The following CABLES2 variants were observed in gnomAD, a reference collection of about 807,000 sequenced individuals.
CABLES2 encodes the protein CDK5 and ABL1 enzyme substrate 2.
CABLES2 carries 35 observed loss-of-function variants against 44.8 expected under a neutral mutation model. That is an observed-to-expected ratio of 0.78 (90% CI 0.60 to 1.04). CABLES2 has a LOEUF of 1.04. Ranked by LOEUF, CABLES2 falls within the 50% of genes least tolerant of loss-of-function variation. The pLI is 0.00. For synonymous variants in CABLES2, 282 were observed against 281.1 expected (o/e 1.00, Z -0.03); for missense variants, 566 against 615.7 (o/e 0.92, Z 0.85).
intron 1 of CABLES2, among the ~76,000 whole-genome samples, chr20:62,398,097 G>GTGGTGGTGGTGGTGGTGA (rs1988088395): frequency 7.2e-6 from 1 of 139,566 alleles, no homozygotes; most frequent in Non-Finnish European, 1.6e-5. Context: ...GACGGTGGTG[G>GTGGTGGTGGTGGTGGTGA]TGGTGGTGAT....
intron 6 of CABLES2, 115 bp from the exon 7 acceptor site, chr20:62,393,138 G>C (rs145805912): frequency 2.4e-5 from 22 of 928,378 alleles, no homozygotes; most frequent in Middle Eastern, 2.1e-4. Flanking sequence ...AGGGGCTCTA[G>C]GCCATGGTTC....
At position 62,391,595 on chromosome 20, in the gene CABLES2, C is replaced by T; in HGVS notation, c.1092-142G>A. The T allele has an allele frequency of 1.2e-6, 1 of 832,084 alleles. No homozygotes were observed. Among genetic ancestry groups the T allele is most frequent in the African/African-American group, 1.7e-5 (1 of 58,596 alleles). The allele number at this position is 832,084 out of a possible 1,614,324, so 51.5% of individuals were successfully genotyped here. A position where few individuals can be genotyped will look rare whatever the true frequency, so the allele number is the denominator to read the frequency against. On this transcript the variant is annotated intron_variant, in intron 8 of 9. Coordinates refer to ENST00000279101, the MANE Select transcript of CABLES2 (RefSeq NM_031215.3). The surrounding 1 kb of genome is among the most constrained non-coding windows in gnomAD (Gnocchi z 5.7). ...ACCGCATCCTTCAGGGGATGGTACCCTCCGCCGTACCATGTATAACGCCCA... is the reference window on the plus strand; with the variant it reads ...ACCGCATCCTTCAGGGGATGGTACCTTCCGCCGTACCATGTATAACGCCCA...
rs774287602 is a variant in CABLES2 at position 62,396,505 on chromosome 20, G to A, written c.434+16C>T. ...CGAGCGGAGTCGTAGAGCTCGGGGC[G>A]GACGGGGGCGTGTACCTCTGTGCTG... On this transcript the variant is annotated intron_variant, in intron 2 of 9. Coordinates refer to ENST00000279101, the MANE Select transcript of CABLES2 (RefSeq NM_031215.3). This position sits in a 1 kb window ranked among gnomAD's most constrained non-coding sequence, Gnocchi z 5.7. 1.7e-5 allele frequency: 27 copies of A among 1,613,688 alleles called. 1 individual carries two copies. The highest frequency in any genetic ancestry group is 3.3e-5 in the South Asian group (3 of 91,078).
Position 62,390,834 on chromosome 20 carries a change from G to T in CABLES2, c.*137C>A. 1.0e-6 allele frequency: 1 copy of T among 986,218 alleles called. No individual in the cohort carries two copies. The allele number at this position is 986,218 out of a possible 1,614,324, so 61.1% of individuals were successfully genotyped here. ...AAATGGCAAAGAGGCAAAAAGGAAA[G>T]CTGCACCAGCGGAGGCCAGGTGCCT... is the stretch of plus-strand genomic sequence containing the variant. On this transcript the variant is annotated 3_prime_UTR_variant, in exon 10 of 10. Transcript: ENST00000279101.
At chr20:62,394,077 T>C in intron 5 of CABLES2, 80 bp downstream of exon 5, 2 of 1,055,328 alleles carry the variant, frequency 1.9e-6, no homozygotes, top group African/African-American at 1.6e-5. Context: ...GTGTGCCTCG[T>C]GGGCACTGAC....
chr20:62,397,763 A>G (rs1464982357), intron 1 of CABLES2, among the ~76,000 whole-genome samples: 1 of 152,146 alleles, frequency 6.6e-6, no homozygotes, highest in East Asian at 1.9e-4. Context: ...AGTTGATACA[A>G]CGTTGCAGTA....
chr20:62,393,395 C>A (rs745424864), intron 6 of CABLES2, 45 bp downstream of exon 6: 2 of 1,542,006 alleles, frequency 1.3e-6, no homozygotes, highest in Admixed American at 2.0e-5. Flanking sequence ...GGTTAAGGCA[C>A]GCGGGTCACC....
chr20:62,400,401 G>C (rs1283486414), intron 1 of CABLES2, among the ~76,000 whole-genome samples: 3 of 152,214 alleles, frequency 2.0e-5, no homozygotes, highest in Non-Finnish European at 4.4e-5. Flanking sequence ...GCCCAGGTGA[G>C]TGCTGGCCTG....
At chr20:62,398,007 GTTA>G (rs1370908928) in intron 1 of CABLES2, among the ~76,000 whole-genome samples, 5 of 134,210 alleles carry the variant, frequency 3.7e-5, no homozygotes, top group African/African-American at 3.3e-5. Context: ...GATGGTGATG[GTTA>G]TGGCGGTGGT....
chr20:62,394,455 TG>T (rs909150690), intron 4 of CABLES2, among the ~76,000 whole-genome samples, 190 bp from the exon 5 acceptor site: 24 of 152,290 alleles, frequency 1.6e-4, no homozygotes, highest in African/African-American at 5.3e-4. Context: ...GAGGGGTTTT[TG>T]AGCCCCGCTT....
At chr20:62,405,930 T>C (rs1988274291) in intron 1 of CABLES2, 1 of 152,666 alleles carries the variant, frequency 6.6e-6, no homozygotes, top group African/African-American at 2.4e-5. Flanking sequence ...CCAGGTCCTG[T>C]GGTCTCTGGG....
In CABLES2 at chr20:62,396,279, C is replaced by T; in HGVS notation, c.527+36G>A. 2 of 1,581,288 alleles carry T rather than the reference C, an allele frequency of 1.3e-6. No individual in the cohort carries two copies. Among genetic ancestry groups the T allele is most frequent in the Non-Finnish European group, 1.7e-6 (2 of 1,150,416 alleles). On this transcript the variant is annotated intron_variant, in intron 3 of 9. Coordinates refer to ENST00000279101, the MANE Select transcript of CABLES2 (RefSeq NM_031215.3). This position sits in a 1 kb window ranked among gnomAD's most constrained non-coding sequence, Gnocchi z 5.7. ...CAGGACCCCGTGGGCTTATGGAGACCACAGCCCTGGCCCGGTTCCCGGCTC... is the reference window on the plus strand; with the variant it reads ...CAGGACCCCGTGGGCTTATGGAGACTACAGCCCTGGCCCGGTTCCCGGCTC...
intron 1 of CABLES2, among the ~76,000 whole-genome samples, chr20:62,397,090 T>C (rs927134): frequency 0.62 from 94,486 of 152,068 alleles, 31,234 homozygotes; most frequent in African/African-American, 0.84. Context: ...TCCCCTGGCT[T>C]GCAGCTCCCT....
chr20:62,402,166 CCTCA>C (rs943751201), intron 1 of CABLES2: 3 of 152,256 alleles, frequency 2.0e-5, no homozygotes, highest in Non-Finnish European at 4.4e-5. Flanking sequence ...TGCTGACACA[CCTCA>C]CTCACTCTCA....
intron 7 of CABLES2, 21 bp from the exon 8 acceptor site, chr20:62,392,516 G>A (rs777143025): frequency 5.1e-6 from 8 of 1,576,800 alleles, no homozygotes; most frequent in Admixed American, 3.3e-5. Context: ...GAGTGGGCAG[G>A]GTTGGGCCGG....
chr20:62,398,832 C>G (rs1226282746), intron 1 of CABLES2, among the ~76,000 whole-genome samples: 1 of 152,292 alleles, frequency 6.6e-6, no homozygotes, highest in Non-Finnish European at 1.5e-5. Context: ...CTCACAGTGA[C>G]AACCACACCC....
chr20:62,405,069 G>C (rs1988255781), intron 1 of CABLES2: 1 of 152,404 alleles, frequency 6.6e-6, no homozygotes, highest in Non-Finnish European at 1.5e-5. Flanking sequence ...GCCAGGCCTG[G>C]TGCACACAGG....
In CABLES2 at chr20:62,393,917, C is replaced by A. The variant is rs6089357; in HGVS notation, c.714+240G>T. ...GCCCCACCCTGCAGCAGGGGGGTGT[C>A]CAGGAGCACCTGGCTGTGGGGCAGT... On this transcript the variant is annotated intron_variant, in intron 5 of 9. Coordinates refer to ENST00000279101, the MANE Select transcript of CABLES2 (RefSeq NM_031215.3). Among the ~76,000 whole-genome samples, 378 of 152,316 alleles carry A rather than the reference C, an allele frequency of 2.5e-3. 1 individual carries two copies. Among genetic ancestry groups the A allele is most frequent in the Admixed American group, 4.4e-3 (68 of 15,304 alleles).
At chr20:62,394,358 G>A (rs1441911976) in intron 4 of CABLES2, 93 bp from the exon 5 acceptor site, 33 of 951,092 alleles carry the variant, frequency 3.5e-5, no homozygotes, top group Middle Eastern at 4.2e-4. Flanking sequence ...AGGTGCTCTC[G>A]GGAACAATGT....
Sources: allele counts gnomAD v4.1 joint callset (sites outside exome capture counted in the v4.1 genomes callset), GRCh38; gene constraint gnomAD v4.1.1; non-coding constraint Gnocchi (gnomAD v3.1); transcripts MANE v1.5; gene names NCBI Gene and HGNC (gene_info 2026-07-23, HGNC 2026-07-21).